HRCT1: variants seen among roughly 807,000 people sequenced by gnomAD.
HRCT1 encodes the protein histidine rich carboxyl terminus 1, also known as histidine-rich carboxyl terminus protein 1.
For missense variants in HRCT1, 185 were observed against 161.3 expected (o/e 1.15, Z -0.80); for synonymous variants, 76 against 69.0 (o/e 1.10, Z -0.50).
In HRCT1 at chr9:35,906,283, C is replaced by T. The variant is rs377191783; in HGVS notation, c.-5C>T. On this transcript the variant is annotated 5_prime_UTR_variant, in exon 1 of 1. Transcript: ENST00000354323. ...CTGGGCAGAGAGGGACTGTCCGGCT[C>T]CCAGATGCTGGGCCTCCTGGGGAGC... is the stretch of plus-strand genomic sequence containing the variant. The T allele has an allele frequency of 8.8e-6, 14 of 1,595,348 alleles. No homozygotes were observed. The highest frequency in any genetic ancestry group is 1.2e-5 in the Non-Finnish European group (14 of 1,169,922).
In HRCT1 at chr9:35,906,762, T is replaced by TTGG. The variant is rs1833109118; in HGVS notation, c.*127_*128insTGG. 8 of 1,326,336 alleles carry TTGG rather than the reference T, an allele frequency of 6.0e-6. No homozygotes were observed. The South Asian group carries it at 1.0e-4, about 17-fold the overall frequency. 82.2% of individuals were successfully genotyped at this position (1,326,336 alleles called of 1,614,324 possible). A position where few individuals can be genotyped will look rare whatever the true frequency, so the allele number is the denominator to read the frequency against. Reference sequence around the variant, plus strand: ...GGGGTGAACGAGGGGAACAATAGACTGGGGCTTGCTCCAGCTGCATTTGCA... The same window carrying TTGG: ...GGGGTGAACGAGGGGAACAATAGACTTGGGGGGCTTGCTCCAGCTGCATTTGCA... On this transcript the variant is annotated 3_prime_UTR_variant, in exon 1 of 1. Transcript: ENST00000354323.
Position 35,906,594 on chromosome 9 carries a change from C to CACCACCACCACA in HRCT1, c.316_317insACAACCACCACC (p.His105_Pro106insHisAsnHisHis), listed in dbSNP as rs1564066671. On this transcript the variant is annotated inframe_insertion, in exon 1 of 1. Coordinates refer to ENST00000354323, the MANE Select transcript of HRCT1 (RefSeq NM_001039792.2). ...CCACACCCCTCACCACCTCCACCACCACCACCACCCCCACCGCCACCATCC... is the reference window on the plus strand; with the variant it reads ...CCACACCCCTCACCACCTCCACCACCACCACCACCACAACCACCACCCCCACCGCCACCATCC... 4.6e-6 allele frequency: 7 copies of CACCACCACCACA among 1,513,700 alleles called. No individual in the cohort carries two copies. In the East Asian group the frequency reaches 1.6e-4, roughly 36 times the overall value. 93.8% of individuals were successfully genotyped at this position (1,513,700 alleles called of 1,614,324 possible). A position where few individuals can be genotyped will look rare whatever the true frequency, so the allele number is the denominator to read the frequency against.
chr9:35,906,890 G>A lies in HRCT1; in HGVS notation c.*255G>A. On this transcript the variant is annotated 3_prime_UTR_variant, in exon 1 of 1. Coordinates refer to ENST00000354323, the MANE Select transcript of HRCT1 (RefSeq NM_001039792.2). The stretch of plus-strand genomic sequence containing the variant: ...AGAGCAAGGGTGCTCTTTCGGGGCT[G>A]GACAGCCCGTCTTGTGACAGTGACT... The A allele has an allele frequency of 1.9e-6, 1 of 533,882 alleles. No homozygotes were observed. The highest frequency in any genetic ancestry group is 3.4e-6 in the Non-Finnish European group (1 of 294,604). The allele number at this position is 533,882 out of a possible 1,614,324, so 33.1% of individuals were successfully genotyped here.
rs1833088785 is a variant in HRCT1, at chr9:35,906,556, A to ACCACCACCCCCACCG, written c.280_281insACCGCCACCACCCCC (p.Pro93_Arg94insHisArgHisHisPro). ...GTGCCGAATGTGGGCCTCCACCACC[A>ACCACCACCCCCACCG]CCACCACCCCCGCCACACCCCTCAC... On this transcript the variant is annotated inframe_insertion, in exon 1 of 1. Coordinates refer to ENST00000354323, the MANE Select transcript of HRCT1 (RefSeq NM_001039792.2). 7.7e-6 allele frequency: 12 copies of ACCACCACCCCCACCG among 1,561,132 alleles called. No individual in the cohort carries two copies. The highest frequency in any genetic ancestry group is 1.5e-5 in the African/African-American group (1 of 68,540).
chr9:35,907,100 C>T lies in HRCT1; in HGVS notation c.*465C>T, dbSNP rs554487022. The T allele has an allele frequency of 3.1e-4, 59 of 191,764 alleles. No individual in the cohort carries two copies. The highest frequency in any genetic ancestry group is 1.3e-3 in the African/African-American group (56 of 42,392). The allele number at this position is 191,764 out of a possible 1,614,324, so 11.9% of individuals were successfully genotyped here. ...GTGTGAGGCTGCACAGTCAATTCATCGGTGCCTTAGTCCAAGAAAATAAAA... is the reference window on the plus strand; with the variant it reads ...GTGTGAGGCTGCACAGTCAATTCATTGGTGCCTTAGTCCAAGAAAATAAAA... On this transcript the variant is annotated 3_prime_UTR_variant, in exon 1 of 1. Coordinates refer to ENST00000354323, the MANE Select transcript of HRCT1 (RefSeq NM_001039792.2).
At position 35,906,896 on chromosome 9, in the gene HRCT1, C is replaced by G. The variant is rs1833111053; in HGVS notation, c.*261C>G. 1 of 521,728 alleles carries G rather than the reference C, an allele frequency of 1.9e-6. No individual in the cohort carries two copies. The highest frequency in any genetic ancestry group is 3.3e-5 in the Admixed American group (1 of 29,932). The allele number at this position is 521,728 out of a possible 1,614,324, so 32.3% of individuals were successfully genotyped here. ...AGGGTGCTCTTTCGGGGCTGGACAG[C>G]CCGTCTTGTGACAGTGACTCCCAGT... On this transcript the variant is annotated 3_prime_UTR_variant, in exon 1 of 1. Transcript: ENST00000354323.
Position 35,906,598 on chromosome 9 carries a change from A to ACCCCCACCCCCACCG in HRCT1, c.313_314insCCCACCCCCACCGCC (p.His104_His105insProHisProHisArg). The ACCCCCACCCCCACCG allele has an allele frequency of 5.0e-6, 6 of 1,194,688 alleles. No individual in the cohort carries two copies. The South Asian group carries it at 8.5e-5, about 17-fold the overall frequency. The allele number at this position is 1,194,688 out of a possible 1,614,324, so 74.0% of individuals were successfully genotyped here. A position where few individuals can be genotyped will look rare whatever the true frequency, so the allele number is the denominator to read the frequency against. ...ACCCCTCACCACCTCCACCACCACCACCACCCCCACCGCCACCATCCCCGC... is the reference window on the plus strand; with the variant it reads ...ACCCCTCACCACCTCCACCACCACCACCCCCACCCCCACCGCCACCCCCACCGCCACCATCCCCGC... On this transcript the variant is annotated inframe_insertion, in exon 1 of 1. Coordinates refer to ENST00000354323, the MANE Select transcript of HRCT1 (RefSeq NM_001039792.2).
the HRCT1 span, chr9:35,906,608 C>CA: frequency 6.6e-7 from 1 of 1,504,234 alleles, no homozygotes; most frequent in Non-Finnish European, 8.9e-7. Flanking sequence ...ACCACCCCCA[C>CA]CGCCACCATC....
Position 35,906,510 on chromosome 9 carries a change from C to T in HRCT1, c.223C>T (p.His75Tyr). 1 of 1,611,988 alleles carries T rather than the reference C, an allele frequency of 6.2e-7. No individual in the cohort carries two copies. Among genetic ancestry groups the T allele is most frequent in the Non-Finnish European group, 8.5e-7 (1 of 1,179,938 alleles). Reference protein sequence around the residue: ...GHLGIFHHHRHPGHVSHVPNV... With the variant: ...GHLGIFHHHRYPGHVSHVPNV... The stretch of plus-strand genomic sequence containing the variant: ...CCTGGGAATCTTTCACCATCACCGT[C>T]ATCCTGGCCACGTATCTCATGTGCC... Residue 75 changes from histidine to tyrosine, a missense_variant, in exon 1 of 1, where the codon CAT (histidine) becomes TAT (tyrosine). By Grantham distance (83) the His-to-Tyr change is moderately conservative (BLOSUM62 2). Transcript: ENST00000354323.
rs1049117276 is a variant in HRCT1 at position 35,906,992 on chromosome 9, C to G, written c.*357C>G. ...GTGGATGTGAAGTGCCCGTCTTGAC[C>G]TCCTCATCAGGCTGCTGCAGGCCTC... On this transcript the variant is annotated 3_prime_UTR_variant, in exon 1 of 1. Transcript: ENST00000354323. The G allele has an allele frequency of 2.9e-6, 1 of 350,240 alleles. No homozygotes were observed. The highest frequency in any genetic ancestry group is 2.1e-5 in the African/African-American group (1 of 47,974). The allele number at this position is 350,240 out of a possible 1,614,324, so 21.7% of individuals were successfully genotyped here.
At chr9:35,906,431 AG>A in the HRCT1 span, 4 of 1,612,916 alleles carry the variant, frequency 2.5e-6, no homozygotes, top group Non-Finnish European at 2.5e-6. Flanking sequence ...GTACAGCTGC[AG>A]GGGGAAACCG....
At position 35,906,604 on chromosome 9, in the gene HRCT1, C is replaced by CCCACCACCACCACCA. The variant is rs1244171385; in HGVS notation, c.322_323insACCACCACCACCACC (p.His107_Arg108insHisHisHisHisHis). ...CACCACCTCCACCACCACCACCACCCCCACCGCCACCATCCCCGCCACGCT... is the reference window on the plus strand; with the variant it reads ...CACCACCTCCACCACCACCACCACCCCCACCACCACCACCACCACCGCCACCATCCCCGCCACGCT... On this transcript the variant is annotated inframe_insertion, in exon 1 of 1. Coordinates refer to ENST00000354323, the MANE Select transcript of HRCT1 (RefSeq NM_001039792.2). 2.6e-6 allele frequency: 3 copies of CCCACCACCACCACCA among 1,157,698 alleles called. No individual in the cohort carries two copies. The highest frequency in any genetic ancestry group is 5.8e-5 in the African/African-American group (2 of 34,316). 71.7% of individuals were successfully genotyped at this position (1,157,698 alleles called of 1,614,324 possible).
chr9:35,906,824 A>T lies in HRCT1; in HGVS notation c.*189A>T. The T allele has an allele frequency of 1.2e-6, 1 of 833,232 alleles. No homozygotes were observed. The allele number at this position is 833,232 out of a possible 1,614,324, so 51.6% of individuals were successfully genotyped here. ...AGTGTACTATGGCAGCAGAGAATGGAGGAACACTGGGTCTGCAGTGCTGAA... is the reference window on the plus strand; with the variant it reads ...AGTGTACTATGGCAGCAGAGAATGGTGGAACACTGGGTCTGCAGTGCTGAA... On this transcript the variant is annotated 3_prime_UTR_variant, in exon 1 of 1. Transcript: ENST00000354323.
chr9:35,906,467 C>G lies in HRCT1; in HGVS notation c.180C>G (p.Pro60=), dbSNP rs145300472. Reference sequence around the variant, plus strand: ...GAGTCCGCCGGGCCCAGCCTTGGCCCTTCCGGCGGCGGGGCCACCTGGGAA... The same window carrying G: ...GAGTCCGCCGGGCCCAGCCTTGGCCGTTCCGGCGGCGGGGCCACCTGGGAA... ...GNRVRRAQPW[P]FRRRGHLGIF... The change falls in exon 1 of 1, where the codon CCC becomes CCG. Residue 60 remains proline (P), a synonymous_variant. Coordinates refer to ENST00000354323, the MANE Select transcript of HRCT1 (RefSeq NM_001039792.2). 6.2e-7 allele frequency: 1 copy of G among 1,612,818 alleles called. No individual in the cohort carries two copies. Among genetic ancestry groups the G allele is most frequent in the African/African-American group, 1.3e-5 (1 of 74,822 alleles).
chr9:35,906,597 CACCACCCCCACCGCCACCAT>C, the HRCT1 span: 3 of 1,490,950 alleles, frequency 2.0e-6, no homozygotes, highest in African/African-American at 1.4e-5. Context: ...CCACCACCAC[CACCACCCCCACCGCCACCAT>C]CCCCGCCACG....
chr9:35,906,454 C>A lies in HRCT1; in HGVS notation c.167C>A (p.Ala56Asp). Residue 56 changes from alanine to aspartate, a missense_variant, in exon 1 of 1, where the codon GCC (alanine) becomes GAC (aspartate). Ala to Asp is a moderately radical substitution (Grantham distance 126). Transcript: ENST00000354323. ...GCAGGGGGAAACCGAGTCCGCCGGG[C>A]CCAGCCTTGGCCCTTCCGGCGGCGG... ...TAAGGNRVRR[A>D]QPWPFRRRGH... 1.9e-6 allele frequency: 3 copies of A among 1,611,978 alleles called. No homozygotes were observed. Among genetic ancestry groups the A allele is most frequent in the Non-Finnish European group, 2.5e-6 (3 of 1,179,350 alleles).
chr9:35,906,737 G>A lies in HRCT1; in HGVS notation c.*102G>A, dbSNP rs1007881697. 19 of 1,482,202 alleles carry A rather than the reference G, an allele frequency of 1.3e-5. No individual in the cohort carries two copies. The African/African-American group carries it at 2.5e-4, about 20-fold the overall frequency. The allele number at this position is 1,482,202 out of a possible 1,614,324, so 91.8% of individuals were successfully genotyped here. ...TTTCCATGTGGAAGGATGCATCTCT[G>A]GGGTGAACGAGGGGAACAATAGACT... On this transcript the variant is annotated 3_prime_UTR_variant, in exon 1 of 1. Coordinates refer to ENST00000354323, the MANE Select transcript of HRCT1 (RefSeq NM_001039792.2).
At position 35,906,480 on chromosome 9, in the gene HRCT1, G is replaced by T. The variant is rs758542269; in HGVS notation, c.193G>T (p.Gly65Cys). ...RAQPWPFRRR[G>C]HLGIFHHHRH... Reference sequence around the variant, plus strand: ...CCAGCCTTGGCCCTTCCGGCGGCGGGGCCACCTGGGAATCTTTCACCATCA... The same window carrying T: ...CCAGCCTTGGCCCTTCCGGCGGCGGTGCCACCTGGGAATCTTTCACCATCA... Residue 65 changes from glycine (G) to cysteine (C), a missense_variant, in exon 1 of 1, where the codon GGC (glycine) becomes TGC (cysteine). By Grantham distance (159) the Gly-to-Cys change is radical. Transcript: ENST00000354323. The T allele has an allele frequency of 5.0e-6, 8 of 1,607,014 alleles. No individual in the cohort carries two copies. The East Asian group carries it at 1.8e-4, about 36-fold the overall frequency.
At position 35,906,647 on chromosome 9, in the gene HRCT1, CCG is replaced by C. The variant is rs1417803786; in HGVS notation, c.*13_*14del. On this transcript the variant is annotated 3_prime_UTR_variant, in exon 1 of 1. Coordinates refer to ENST00000354323, the MANE Select transcript of HRCT1 (RefSeq NM_001039792.2). ...GCCACGCTCGCTGAGGCTGCTGTCG[CCG>C]GTGCCTGTGGACAGCAGCTGCCCCT... is the stretch of plus-strand genomic sequence containing the variant. The C allele has an allele frequency of 6.4e-7, 1 of 1,559,738 alleles. No homozygotes were observed. The highest frequency in any genetic ancestry group is 1.4e-5 in the African/African-American group (1 of 73,484).
Sources: gnomAD v4.1 joint callset for allele counts on GRCh38, gnomAD v4.1.1 for gene constraint, MANE v1.5 for transcripts, NCBI Gene and HGNC (gene_info 2026-07-23, HGNC 2026-07-21) for gene names.